Variants in ARHGEF11 observed in about 807,000 individuals in gnomAD.
ARHGEF11 encodes the protein Rho guanine exchange factor (GEF) 11.
Under a neutral mutation model 193.7 loss-of-function variants are expected in ARHGEF11, and 55 were observed. That is an observed-to-expected ratio of 0.28 (90% CI 0.23 to 0.36). The LOEUF (loss-of-function observed/expected upper bound fraction) is 0.36. Ranked by LOEUF, ARHGEF11 falls within the 10% of genes least tolerant of loss-of-function variation. The pLI is 1.00. For synonymous variants in ARHGEF11, 693 were observed against 768.0 expected (o/e 0.90, Z 1.62); for missense variants, 1,723 against 2,005.6 (o/e 0.86, Z 2.69).
At chr1:157,046,649 T>A (rs1365491807), upstream of ARHGEF11, among the ~76,000 whole-genome samples, 1 of 152,224 alleles carries the variant, frequency 6.6e-6, no homozygotes, top group Non-Finnish European at 1.5e-5. Context: ...CTTTGAACTC[T>A]ATGGAAGAGC....
Position 156,939,913 on chromosome 1 carries a change from G to A in ARHGEF11, c.3734-3C>T, listed in dbSNP as rs1340661728. 4 of 1,600,902 alleles carry A rather than the reference G, an allele frequency of 2.5e-6. No individual in the cohort carries two copies. Among genetic ancestry groups the A allele is most frequent in the Non-Finnish European group, 3.4e-6 (4 of 1,179,288 alleles). On this transcript the variant is annotated splice_region_variant and splice_polypyrimidine_tract_variant and intron_variant, in intron 36 of 40. Coordinates refer to ENST00000368194, the MANE Select transcript of ARHGEF11 (RefSeq NM_198236.3). ...GATCAGATGTCGCAGGTTCTCCACT[G>A]GAGGGGAAACAGGGTGATGTCTTCC... is the stretch of plus-strand genomic sequence containing the variant.
Position 156,944,676 on chromosome 1 carries a change from C to T in ARHGEF11, c.2992-243G>A, listed in dbSNP as rs181517529. Among the ~76,000 whole-genome samples, 16 of 152,320 alleles carry T rather than the reference C, an allele frequency of 1.1e-4. No homozygotes were observed. In the South Asian group the frequency reaches 1.7e-3, roughly 16 times the overall value. ...TTGGGTCTCCCACCTGCCCCTACCA[C>T]GTGCCAGCTACAGTCCCAAGAAGAT... On this transcript the variant is annotated intron_variant, in intron 30 of 40. Coordinates refer to ENST00000368194, the MANE Select transcript of ARHGEF11 (RefSeq NM_198236.3).
intron 29 of ARHGEF11, 119 bp from the exon 30 acceptor site, chr1:156,945,316 G>A (rs1657913703): frequency 8.6e-7 from 1 of 1,157,686 alleles, no homozygotes; most frequent in Admixed American, 2.4e-5. Context: ...GCAGGCGTGG[G>A]TGGAGGGGAG....
At chr1:156,946,513 A>G (rs1322314552) in intron 28 of ARHGEF11, 149 bp downstream of exon 28, 1 of 1,176,474 alleles carries the variant, frequency 8.5e-7, no homozygotes, top group Non-Finnish European at 1.2e-6. Flanking sequence ...CTTTGTCTAG[A>G]GTGAGTCAGT....
At position 156,944,091 on chromosome 1, in the gene ARHGEF11, G is replaced by A; in HGVS notation, c.3079C>T (p.Leu1027=). Residue 1027 remains leucine, a synonymous_variant, in exon 32 of 41, where the codon CTG becomes TTG. Coordinates refer to ENST00000368194, the MANE Select transcript of ARHGEF11 (RefSeq NM_198236.3). ...AGCACTAGGAGGTCCTCCAGCAGCA[G>A]CACGTGGAGGTCTGGAGGGGTATGG... ...SKDKTLDLHV[L]LLEDLLVLLQ... 6.2e-7 allele frequency: 1 copy of A among 1,613,770 alleles called. No individual in the cohort carries two copies. The highest frequency in any genetic ancestry group is 8.5e-7 in the Non-Finnish European group (1 of 1,179,784).
At chr1:156,942,827 G>A in intron 32 of ARHGEF11, 47 bp from the exon 33 acceptor site, 1 of 1,527,374 alleles carries the variant, frequency 6.5e-7, no homozygotes, top group Non-Finnish European at 9.1e-7. Context: ...GGGATGGCAG[G>A]TGTGACTGCA....
intron 20 of ARHGEF11, 130 bp from the exon 21 acceptor site, chr1:156,955,051 A>C: frequency 2.6e-6 from 2 of 762,104 alleles, no homozygotes; most frequent in South Asian, 3.4e-5. Flanking sequence ...GATCTAGAAG[A>C]ATCTCTTTCC....
intron 1 of ARHGEF11, among the ~76,000 whole-genome samples, chr1:156,988,312 C>G (rs1242167072): frequency 2.0e-5 from 3 of 152,192 alleles, no homozygotes; most frequent in Non-Finnish European, 4.4e-5. Flanking sequence ...GGTCCCTGCT[C>G]TTTACTGTCC....
Position 156,942,647 on chromosome 1 carries a change from G to A in ARHGEF11, c.3326+43C>T, listed in dbSNP as rs778389707. ...GTCCTCATAAACACCACCCTGGTCCGAAAGGGACCACAGTTACGGGTAACC... is the reference window on the plus strand; with the variant it reads ...GTCCTCATAAACACCACCCTGGTCCAAAAGGGACCACAGTTACGGGTAACC... On this transcript the variant is annotated intron_variant, in intron 33 of 40. Coordinates refer to ENST00000368194, the MANE Select transcript of ARHGEF11 (RefSeq NM_198236.3). The A allele has an allele frequency of 1.7e-5, 27 of 1,572,042 alleles. No individual in the cohort carries two copies. In the East Asian group the frequency reaches 2.9e-4, roughly 17 times the overall value.
intron 7 of ARHGEF11, among the ~76,000 whole-genome samples, chr1:156,972,403 C>T (rs1437100994): frequency 6.6e-6 from 1 of 152,226 alleles, no homozygotes; most frequent in Non-Finnish European, 1.5e-5. Flanking sequence ...AGCTTGAATA[C>T]ATCCTCATTG....
In ARHGEF11 at chr1:156,971,816, G is replaced by A. The variant is rs772353666; in HGVS notation, c.583C>T (p.Arg195Cys). ...MLRQEEKELQ[R>C]ICEVYSRNPA... ...TTCCGGCTATAGACCTCACAGATAC[G>A]CTAGGGATGGGTGAGGAGGAGAAGG... The change falls in exon 8 of 41, where the codon CGT (arginine) becomes TGT (cysteine). Residue 195 changes from arginine (R) to cysteine (C), a missense_variant and splice_region_variant. Physicochemically the swap from Arg to Cys is radical, Grantham distance 180. Coordinates refer to ENST00000368194, the MANE Select transcript of ARHGEF11 (RefSeq NM_198236.3). The A allele has an allele frequency of 1.6e-5, 25 of 1,612,370 alleles. No individual in the cohort carries two copies. Among genetic ancestry groups the A allele is most frequent in the East Asian group, 1.1e-4 (5 of 44,860 alleles).
intron 1 of ARHGEF11, among the ~76,000 whole-genome samples, chr1:157,021,560 T>G (rs1669987041): frequency 6.6e-6 from 1 of 152,172 alleles, no homozygotes; most frequent in South Asian, 2.1e-4. Flanking sequence ...AATGATGGTG[T>G]TTCATAAAAG....
At chr1:156,949,358 A>G (rs1658734358) in intron 22 of ARHGEF11, among the ~76,000 whole-genome samples, 1 of 152,108 alleles carries the variant, frequency 6.6e-6, no homozygotes, top group African/African-American at 2.4e-5. Context: ...CCCCACCTCC[A>G]TGCTGTGGCC....
At chr1:156,991,192 A>G (rs1665641704) in intron 1 of ARHGEF11, among the ~76,000 whole-genome samples, 1 of 152,244 alleles carries the variant, frequency 6.6e-6, no homozygotes, top group Admixed American at 6.5e-5. Context: ...CTACATCAGT[A>G]TCACTAGTAA....
intron 11 of ARHGEF11, among the ~76,000 whole-genome samples, chr1:156,967,757 A>AT (rs1212382498): frequency 3.3e-5 from 5 of 152,206 alleles, no homozygotes; most frequent in Non-Finnish European, 7.3e-5. Context: ...CTACAGATGC[A>AT]TTCACCCACT....
At chr1:156,954,824 G>C in intron 21 of ARHGEF11, 68 bp downstream of exon 21, 1 of 1,317,990 alleles carries the variant, frequency 7.6e-7, no homozygotes, top group Non-Finnish European at 1.1e-6. Context: ...AAACAGAAAA[G>C]ACAAGATTTG....
rs749111424 is a variant in ARHGEF11 at position 156,948,691 on chromosome 1, T to TA, written c.1926-194_1926-193insT. 1 of 1,527,058 alleles carries TA rather than the reference T, an allele frequency of 6.5e-7. No homozygotes were observed. Among genetic ancestry groups the TA allele is most frequent in the Non-Finnish European group, 8.8e-7 (1 of 1,141,834 alleles). 94.6% of individuals were successfully genotyped at this position (1,527,058 alleles called of 1,614,324 possible). ...AGACTATTTTTGCTGCTCTACAAAC[T>TA]CCTCCTCTCTCCCCAGCCTAGCCTG... On this transcript the variant is annotated intron_variant, in intron 22 of 40. Coordinates refer to ENST00000368194, the MANE Select transcript of ARHGEF11 (RefSeq NM_198236.3). This position sits in a 1 kb window ranked among gnomAD's most constrained non-coding sequence, Gnocchi z 4.2.
At chr1:157,022,329 T>G (rs2102916662) in intron 1 of ARHGEF11, among the ~76,000 whole-genome samples, 1 of 152,246 alleles carries the variant, frequency 6.6e-6, no homozygotes, top group African/African-American at 2.4e-5. Flanking sequence ...GTCAGCAAGG[T>G]TGCAGGATGC....
chr1:156,941,724 C>T, intron 34 of ARHGEF11, 140 bp downstream of exon 34: 1 of 1,292,112 alleles, frequency 7.7e-7, no homozygotes, highest in Non-Finnish European at 1.1e-6. Flanking sequence ...CTCCATCTGC[C>T]AGCACTTGGA....
Sources: allele counts gnomAD v4.1 joint callset (sites outside exome capture counted in the v4.1 genomes callset), GRCh38; gene constraint gnomAD v4.1.1; non-coding constraint Gnocchi (gnomAD v3.1); transcripts MANE v1.5; gene names NCBI Gene and HGNC (gene_info 2026-07-23, HGNC 2026-07-21).